Variants in MIOS observed in about 807,000 individuals in gnomAD.
MIOS encodes meiosis regulator for oocyte development, also known as GATOR2 complex protein MIOS.
A neutral mutation model predicts 96.9 loss-of-function variants in MIOS; 52 were observed. The ratio of observed to expected loss-of-function variants is 0.54; its 90% CI spans 0.43 to 0.68. MIOS has a LOEUF of 0.68. Ranked by LOEUF, MIOS falls within the 30% of genes least tolerant of loss-of-function variation. MIOS has a pLI of 0.00. For synonymous variants in MIOS, 397 were observed against 359.5 expected, an observed-to-expected ratio of 1.10 and a Z score of -1.18; for missense variants, 1,005 against 1,052.8, an observed-to-expected ratio of 0.95 and a Z score of 0.63.
intron 9 of MIOS, among the ~76,000 whole-genome samples, chr7:7,591,821 A>G (rs1784055810): frequency 6.6e-6 from 1 of 151,874 alleles, no homozygotes; most frequent in Non-Finnish European, 1.5e-5. Flanking sequence ...AAGTACGGGG[A>G]TATTATTTCT....
At chr7:7,576,263 C>G (rs1046526942) in intron 5 of MIOS, among the ~76,000 whole-genome samples, 10 of 152,076 alleles carry the variant, frequency 6.6e-5, no homozygotes, top group Non-Finnish European at 1.3e-4. Context: ...AGGAGTTATC[C>G]TAGGAACTAG....
rs931619016 is a variant in MIOS at position 7,595,244 on chromosome 7, CT to C, written c.2196+116del. 2.6e-6 allele frequency: 3 copies of C among 1,134,226 alleles called. No individual in the cohort carries two copies. In the African/African-American group the frequency reaches 4.8e-5, roughly 18 times the overall value. 70.3% of individuals were successfully genotyped at this position (1,134,226 alleles called of 1,614,324 possible). A position where few individuals can be genotyped will look rare whatever the true frequency, so the allele number is the denominator to read the frequency against. On this transcript the variant is annotated intron_variant, in intron 10 of 12. Coordinates refer to ENST00000340080, the MANE Select transcript of MIOS (RefSeq NM_019005.4). ...ATTGAGTTCCCATTGATGTCTTTGT[CT>C]TTTGTAGACTGAACTTTGTCCTTGA...
intron 5 of MIOS, 142 bp from the exon 6 acceptor site, chr7:7,582,976 C>T: frequency 1.1e-6 from 1 of 924,046 alleles, no homozygotes. Flanking sequence ...GTATTTGTGG[C>T]ATAGTTCATA....
intron 11 of MIOS, chr7:7,605,367 T>C (rs1784499118): frequency 6.6e-6 from 1 of 151,588 alleles, no homozygotes; most frequent in South Asian, 2.1e-4. Context: ...CAATCTCGGC[T>C]CCCTGCAGCC....
chr7:7,598,940 T>TTA (rs1166192966), intron 11 of MIOS, among the ~76,000 whole-genome samples: 1 of 152,078 alleles, frequency 6.6e-6, no homozygotes, highest in African/African-American at 2.4e-5. Context: ...AATAATTTCT[T>TTA]TATATATATA....
chr7:7,592,597 T>C (rs1286089232), intron 9 of MIOS, among the ~76,000 whole-genome samples: 2 of 152,076 alleles, frequency 1.3e-5, no homozygotes, highest in Non-Finnish European at 2.9e-5. Flanking sequence ...GTTATTTTCC[T>C]GCAACTAGAT....
At chr7:7,605,727 A>ATT in intron 11 of MIOS, 2 of 435,950 alleles carry the variant, frequency 4.6e-6, no homozygotes, top group Non-Finnish European at 8.0e-6. Flanking sequence ...GTGGGTTTGG[A>ATT]TTTTTTTTTC....
At chr7:7,604,477 G>T (rs1484313556) in intron 11 of MIOS, among the ~76,000 whole-genome samples, 2 of 152,084 alleles carry the variant, frequency 1.3e-5, no homozygotes. Flanking sequence ...GGTACCTATT[G>T]TTCCAAGTGC....
At chr7:7,568,407 T>A (rs947377784) in intron 3 of MIOS, among the ~76,000 whole-genome samples, 1 of 152,198 alleles carries the variant, frequency 6.6e-6, no homozygotes, top group Non-Finnish European at 1.5e-5. Context: ...TGACTCTAGA[T>A]TGTTTTCTTT....
At chr7:7,592,930 C>G (rs1418129307) in intron 9 of MIOS, among the ~76,000 whole-genome samples, 2 of 152,168 alleles carry the variant, frequency 1.3e-5, no homozygotes, top group Non-Finnish European at 2.9e-5. Context: ...GGTTCAGATT[C>G]CTTATCTCTT....
intron 11 of MIOS, chr7:7,605,727 A>AT (rs928771972): frequency 1.0e-3 from 442 of 434,420 alleles, no homozygotes; most frequent in South Asian, 1.5e-3. Flanking sequence ...GTGGGTTTGG[A>AT]TTTTTTTTTC....
At chr7:7,588,643 ACATATG>A in intron 8 of MIOS, 80 bp downstream of exon 8, 1 of 863,406 alleles carries the variant, frequency 1.2e-6, no homozygotes, top group Non-Finnish European at 1.7e-6. Context: ...CTTTATAATT[ACATATG>A]TATGAGATTG....
At chr7:7,579,217 T>G (rs527423946) in intron 5 of MIOS, among the ~76,000 whole-genome samples, 1 of 152,344 alleles carries the variant, frequency 6.6e-6, no homozygotes, top group South Asian at 2.1e-4. Context: ...TTAAAACCCA[T>G]GCTGACATCA....
intron 9 of MIOS, among the ~76,000 whole-genome samples, chr7:7,593,881 AAAAAAAAAAAAAAAG>A (rs1017181215): frequency 7.8e-6 from 1 of 128,610 alleles, no homozygotes; most frequent in Non-Finnish European, 1.6e-5. Flanking sequence ...TCTGTCTCCA[AAAAAAAAAAAAAAAG>A]AAAAAGAAAA....
chr7:7,582,043 C>T (rs1783746198), intron 5 of MIOS, among the ~76,000 whole-genome samples: 1 of 152,118 alleles, frequency 6.6e-6, no homozygotes. Context: ...GACAGGAATG[C>T]AGCCGTTTTT....
At chr7:7,603,049 C>T (rs1784425304) in intron 11 of MIOS, among the ~76,000 whole-genome samples, 1 of 151,938 alleles carries the variant, frequency 6.6e-6, no homozygotes, top group South Asian at 2.1e-4. Flanking sequence ...CCCTTCCTTA[C>T]ACCTTATACA....
chr7:7,579,836 A>G (rs1481287354), intron 5 of MIOS, among the ~76,000 whole-genome samples: 1 of 152,202 alleles, frequency 6.6e-6, no homozygotes, highest in Non-Finnish European at 1.5e-5. Flanking sequence ...GGTTTGTGTA[A>G]GTACACTGTG....
At chr7:7,592,226 T>C (rs1410692898) in intron 9 of MIOS, among the ~76,000 whole-genome samples, 1 of 152,218 alleles carries the variant, frequency 6.6e-6, no homozygotes, top group East Asian at 1.9e-4. Context: ...TGTCCTCAAG[T>C]GATCTGCCCG....
Position 7,588,514 on chromosome 7 carries a change from C to A in MIOS, c.1835C>A (p.Ala612Glu). Residue 612 changes from alanine (A) to glutamate (E), a missense_variant, in exon 8 of 13, where the codon GCA becomes GAA. Physicochemically the swap from Ala to Glu is moderately radical, Grantham distance 107. This residue lies in a region of MIOS where 865 missense variants were observed against 887.9 expected (regional missense o/e 0.97). Transcript: ENST00000340080. Reference protein sequence around the residue: ...YDGVLYENKVAVRDRVAFACK... With the variant: ...YDGVLYENKVEVRDRVAFACK... ...TCTTTCCAGTATGAAAACAAAGTTG[C>A]AGTACGTGACAGAGTGGCATTTGCT... 1 of 1,582,292 alleles carries A rather than the reference C, an allele frequency of 6.3e-7. No homozygotes were observed. The highest frequency in any genetic ancestry group is 8.6e-7 in the Non-Finnish European group (1 of 1,162,764).
Sources: gnomAD v4.1 joint callset for allele counts (sites outside exome capture counted in the v4.1 genomes callset) on GRCh38, gnomAD v4.1.1 for gene constraint, gnomAD v4.1.1 regional missense constraint, MANE v1.5 for transcripts, NCBI Gene and HGNC (gene_info 2026-07-23, HGNC 2026-07-21) for gene names.